The following LDLRAD3 variants were observed in gnomAD, a reference collection of about 807,000 sequenced individuals.
LDLRAD3 encodes low density lipoprotein receptor class A domain containing 3.
In LDLRAD3, 20 loss-of-function variants were observed where a neutral mutation model predicts 29.4. The ratio of observed to expected loss-of-function variants is 0.68; its 90% CI spans 0.48 to 0.99. The LOEUF (loss-of-function observed/expected upper bound fraction) is 0.99. Ranked by LOEUF, LDLRAD3 falls within the 50% of genes least tolerant of loss-of-function variation. LDLRAD3 has a pLI of 0.00. For missense variants in LDLRAD3, 420 were observed against 454.3 expected, an observed-to-expected ratio of 0.92 and a Z score of 0.69; for synonymous variants, 157 against 192.7, an observed-to-expected ratio of 0.81 and a Z score of 1.53.
intron 4 of LDLRAD3, among the ~76,000 whole-genome samples, chr11:36,199,268 A>T (rs764440825): frequency 6.6e-6 from 1 of 152,106 alleles, no homozygotes; most frequent in Non-Finnish European, 1.5e-5. Flanking sequence ...CCTGTTAAAG[A>T]ATTTGCTCCT....
intron 1 of LDLRAD3, among the ~76,000 whole-genome samples, chr11:35,953,200 TGACA>T (rs975818914): frequency 2.0e-5 from 3 of 152,232 alleles, no homozygotes; most frequent in African/African-American, 4.8e-5. Flanking sequence ...CTGTGATTTT[TGACA>T]GACAAATAGC....
intron 4 of LDLRAD3, among the ~76,000 whole-genome samples, chr11:36,167,418 G>A (rs1333753517): frequency 5.3e-5 from 8 of 152,106 alleles, no homozygotes; most frequent in Non-Finnish European, 1.2e-4. Flanking sequence ...TAACCATCAC[G>A]ATGAGGTCAT....
intron 1 of LDLRAD3, among the ~76,000 whole-genome samples, chr11:35,972,995 G>A (rs1288979259): frequency 6.7e-6 from 1 of 148,782 alleles, no homozygotes; most frequent in Non-Finnish European, 1.5e-5. Flanking sequence ...AGAGGTTGCA[G>A]TGAGCCTAGA....
rs1431636154 is a variant in LDLRAD3, at chr11:36,199,581, A to ACGCACG, written c.455-27503_455-27502insGCACGC. ...GCTGTGGTTCTACACACACACACAC[A>ACGCACG]CACACACGCACGCACGCGTGCGCGC... is the stretch of plus-strand genomic sequence containing the variant. On this transcript the variant is annotated intron_variant, in intron 4 of 5. Transcript: ENST00000315571. Among the ~76,000 whole-genome samples the ACGCACG allele has an allele frequency of 8.1e-4, 114 of 140,994 alleles. 1 individual carries two copies. The highest frequency in any genetic ancestry group is 2.9e-3 in the African/African-American group (113 of 39,258). 92.5% of individuals were successfully genotyped at this position (140,994 alleles called of 152,430 possible). A position where few individuals can be genotyped will look rare whatever the true frequency, so the allele number is the denominator to read the frequency against.
rs1002945450 is a variant in LDLRAD3 at position 36,058,428 on chromosome 11, C to T, written c.193+22179C>T. Among the ~76,000 whole-genome samples the T allele has an allele frequency of 3.3e-5, 5 of 152,168 alleles. No individual in the cohort carries two copies. The East Asian group carries it at 5.8e-4, about 18-fold the overall frequency. On this transcript the variant is annotated intron_variant, in intron 2 of 5. Transcript: ENST00000315571. ...ATAGGTCTGCGTCTCTGTCAGATTGCGAGCTCTTTAAGTTATGCTTGCATC... is the reference window on the plus strand; with the variant it reads ...ATAGGTCTGCGTCTCTGTCAGATTGTGAGCTCTTTAAGTTATGCTTGCATC...
chr11:36,069,467 A>G (rs7952713), intron 2 of LDLRAD3, among the ~76,000 whole-genome samples: 27,408 of 152,198 alleles, frequency 0.18, 2,880 homozygotes, highest in Admixed American at 0.24. Flanking sequence ...AGCAATGGCC[A>G]CATGTCGGTT....
intron 4 of LDLRAD3, among the ~76,000 whole-genome samples, chr11:36,166,566 A>G (rs1282610440): frequency 6.6e-6 from 1 of 152,224 alleles, no homozygotes; most frequent in African/African-American, 2.4e-5. Context: ...GTGTATATTG[A>G]TTAATAAGAG....
chr11:36,144,757 T>TGG (rs1299707355), intron 4 of LDLRAD3, among the ~76,000 whole-genome samples: 2 of 104,750 alleles, frequency 1.9e-5, no homozygotes, highest in African/African-American at 7.4e-5. Context: ...GGGAGGGAGG[T>TGG]GGGGGTCAGC....
rs944689394 is a variant in LDLRAD3 at position 36,127,778 on chromosome 11, C to G, written c.454+29317C>G. On this transcript the variant is annotated intron_variant, in intron 4 of 5. Coordinates refer to ENST00000315571, the MANE Select transcript of LDLRAD3 (RefSeq NM_174902.4). ...TAAGGGCTCAGAGAGGTTAAGTGAC[C>G]TGCCCAAGATCACACAGCTTGTAAG... Among the ~76,000 whole-genome samples, 11 of 152,228 alleles carry G rather than the reference C, an allele frequency of 7.2e-5. No individual in the cohort carries two copies. The East Asian group carries it at 2.1e-3, about 29-fold the overall frequency.
In LDLRAD3 at chr11:36,227,091, G is replaced by T; in HGVS notation, c.461G>T (p.Gly154Val). The T allele has an allele frequency of 1.3e-6, 2 of 1,586,512 alleles. No homozygotes were observed. The highest frequency in any genetic ancestry group is 1.7e-6 in the Non-Finnish European group (2 of 1,161,054). Reference sequence around the variant, plus strand: ...CCTCTCTTGGGTTTCTCAGAACCCGGCAGTGGGCAGGTGTTTGTGACTTCA... The same window carrying T: ...CCTCTCTTGGGTTTCTCAGAACCCGTCAGTGGGCAGGTGTTTGTGACTTCA... ...EESCESSQEP[G>V]SGQVFVTSEN... Residue 154 changes from glycine (G) to valine (V), a missense_variant, in exon 5 of 6, where the codon GGC becomes GTC. Coordinates refer to ENST00000315571, the MANE Select transcript of LDLRAD3 (RefSeq NM_174902.4).
chr11:36,205,210 G>A (rs1195220936), intron 4 of LDLRAD3, among the ~76,000 whole-genome samples: 1 of 152,144 alleles, frequency 6.6e-6, no homozygotes, highest in Non-Finnish European at 1.5e-5. Flanking sequence ...TTCTCCGTGG[G>A]GCCGGGGGAT....
intron 4 of LDLRAD3, among the ~76,000 whole-genome samples, chr11:36,111,384 AC>A (rs1590276272): frequency 6.6e-6 from 1 of 151,648 alleles, no homozygotes; most frequent in African/African-American, 2.4e-5. Flanking sequence ...TGAAAAACTT[AC>A]CTGGGTTATT....
intron 1 of LDLRAD3, among the ~76,000 whole-genome samples, chr11:35,982,019 C>T (rs911778808): frequency 7.9e-5 from 12 of 152,134 alleles, no homozygotes; most frequent in African/African-American, 2.7e-4. Context: ...GTTAGTCCTA[C>T]GTTCAGGGCC....
rs140873599 is a variant in LDLRAD3 at position 36,095,930 on chromosome 11, G to A, written c.320-2397G>A. ...ATGTTGATGGACACAAGGGTTTGGA[G>A]AGCTGCCTTGGACAAAAACCAGACG... On this transcript the variant is annotated intron_variant, in intron 3 of 5. Transcript: ENST00000315571. Among the ~76,000 whole-genome samples, 618 of 152,288 alleles carry A rather than the reference G, an allele frequency of 4.1e-3. 1 individual carries two copies. Among genetic ancestry groups the A allele is most frequent in the Middle Eastern group, 0.017 (5 of 294 alleles).
intron 1 of LDLRAD3, among the ~76,000 whole-genome samples, chr11:36,035,305 C>G (rs1852289219): frequency 6.6e-6 from 1 of 152,076 alleles, no homozygotes; most frequent in Non-Finnish European, 1.5e-5. Flanking sequence ...AAATCTCCCC[C>G]CAGGGTCTAC....
intron 4 of LDLRAD3, among the ~76,000 whole-genome samples, chr11:36,157,216 G>A (rs190287525): frequency 1.0e-3 from 156 of 152,264 alleles, no homozygotes; most frequent in African/African-American, 3.6e-3. Context: ...CTGCACCCCC[G>A]AAACCATCAT....
chr11:35,958,630 C>T (rs975177941), intron 1 of LDLRAD3, among the ~76,000 whole-genome samples: 13 of 152,140 alleles, frequency 8.5e-5, no homozygotes, highest in African/African-American at 2.4e-4. Flanking sequence ...GTTACTATTG[C>T]ATTTTGTTCC....
At chr11:36,144,567 T>A (rs1412642889) in intron 4 of LDLRAD3, among the ~76,000 whole-genome samples, 1 of 150,058 alleles carries the variant, frequency 6.7e-6, no homozygotes, top group African/African-American at 2.5e-5. Context: ...GAGGAGCGTC[T>A]CTGCCCGGCC....
chr11:36,096,617 C>T (rs1197284794), intron 3 of LDLRAD3, among the ~76,000 whole-genome samples: 1 of 152,032 alleles, frequency 6.6e-6, no homozygotes, highest in African/African-American at 2.4e-5. Flanking sequence ...GGGCACTGTA[C>T]ATTTTCCCAC....
Sources: gnomAD v4.1 joint callset for allele counts (sites outside exome capture counted in the v4.1 genomes callset) on GRCh38, gnomAD v4.1.1 for gene constraint, MANE v1.5 for transcripts, NCBI Gene and HGNC (gene_info 2026-07-23, HGNC 2026-07-21) for gene names.